CTNND2: variants seen among roughly 807,000 people sequenced by gnomAD.
The protein encoded by CTNND2 is catenin delta-2.
In CTNND2, 22 loss-of-function variants were observed where a neutral mutation model predicts 144.4. The ratio of observed to expected loss-of-function variants is 0.15; its 90% CI spans 0.11 to 0.22. The LOEUF is 0.22. Among genes scored for constraint, CTNND2 ranks in the 10% least tolerant of loss-of-function variants. The probability of loss-of-function intolerance (pLI) is 1.00; values close to 1 mark genes in which losing one functional copy is unlikely to be tolerated. For synonymous variants in CTNND2, 751 were observed against 695.6 expected (o/e 1.08, Z -1.25); for missense variants, 1,353 against 1,618.8 (o/e 0.84, Z 2.82).
At chr5:11,739,961 A>T (rs1581803186) in intron 1 of CTNND2, among the ~76,000 whole-genome samples, 1 of 152,138 alleles carries the variant, frequency 6.6e-6, no homozygotes, top group Non-Finnish European at 1.5e-5. Flanking sequence ...AGAATAAAAA[A>T]CCTAGGAATC....
At chr5:11,018,765 C>T (rs186638076) in intron 17 of CTNND2, among the ~76,000 whole-genome samples, 114 of 143,572 alleles carry the variant, frequency 7.9e-4, no homozygotes, top group African/African-American at 2.9e-3. Flanking sequence ...GGCTGGAGTG[C>T]AGTGGCGAGA....
chr5:11,496,568 G>A (rs1390096071), intron 3 of CTNND2, among the ~76,000 whole-genome samples: 1 of 152,150 alleles, frequency 6.6e-6, no homozygotes, highest in East Asian at 1.9e-4. Flanking sequence ...TAAGGTAGGA[G>A]TGTGTATGAA....
intron 2 of CTNND2, among the ~76,000 whole-genome samples, chr5:11,686,768 T>G (rs1784671012): frequency 6.7e-6 from 1 of 148,640 alleles, no homozygotes; most frequent in Non-Finnish European, 1.5e-5. Context: ...TAGAAATATA[T>G]GTATATACAA....
chr5:11,075,990 A>G, intron 16 of CTNND2, among the ~76,000 whole-genome samples: 1 of 152,240 alleles, frequency 6.6e-6, no homozygotes, highest in East Asian at 1.9e-4. Flanking sequence ...CAGTTAATTC[A>G]TTCAGCAACT....
At chr5:11,657,417 ATC>A (rs374351670) in intron 2 of CTNND2, among the ~76,000 whole-genome samples, 3 of 151,990 alleles carry the variant, frequency 2.0e-5, no homozygotes, top group African/African-American at 4.8e-5. Flanking sequence ...GTATTTAGCT[ATC>A]TCTCTCTCTG....
At chr5:11,058,022 G>T (rs369425641) in intron 16 of CTNND2, among the ~76,000 whole-genome samples, 1 of 152,232 alleles carries the variant, frequency 6.6e-6, no homozygotes, top group Non-Finnish European at 1.5e-5. Flanking sequence ...CATTCAAAAG[G>T]TGACTTGGGT....
intron 2 of CTNND2, among the ~76,000 whole-genome samples, chr5:11,721,426 G>A (rs1262233802): frequency 1.3e-5 from 2 of 152,052 alleles, no homozygotes; most frequent in African/African-American, 4.8e-5. Context: ...CTTAGAAGTA[G>A]AGAAAATGGT....
At chr5:11,348,437 C>CAAAAAAAAAAAAAAAAAAGAA (rs1755010084) in intron 8 of CTNND2, among the ~76,000 whole-genome samples, 1 of 114,722 alleles carries the variant, frequency 8.7e-6, no homozygotes, top group Non-Finnish European at 1.8e-5. Context: ...AAATCAAGGG[C>CAAAAAAAAAAAAAAAAAAGAA]AAAAAAAAAA....
intron 11 of CTNND2, among the ~76,000 whole-genome samples, chr5:11,162,498 C>T (rs931247522): frequency 6.6e-6 from 1 of 152,248 alleles, no homozygotes; most frequent in African/African-American, 2.4e-5. Flanking sequence ...TCCACCCTTC[C>T]AGGCTGTCTC....
At chr5:11,607,590 A>T (rs923486860) in intron 2 of CTNND2, among the ~76,000 whole-genome samples, 3 of 152,232 alleles carry the variant, frequency 2.0e-5, no homozygotes, top group Non-Finnish European at 4.4e-5. Context: ...CAATTGACAC[A>T]AATGATTGTT....
chr5:11,474,837 T>C (rs1353792966), intron 3 of CTNND2, among the ~76,000 whole-genome samples: 1 of 152,158 alleles, frequency 6.6e-6, no homozygotes, highest in Non-Finnish European at 1.5e-5. Flanking sequence ...CTTGTCGTCA[T>C]TATTACCAAT....
At chr5:11,043,969 C>T (rs1382301273) in intron 16 of CTNND2, among the ~76,000 whole-genome samples, 1 of 152,224 alleles carries the variant, frequency 6.6e-6, no homozygotes, top group Non-Finnish European at 1.5e-5. Context: ...CTATTTGTCT[C>T]CCTCACTAGG....
intron 3 of CTNND2, among the ~76,000 whole-genome samples, chr5:11,520,414 A>T (rs1019780001): frequency 6.6e-6 from 1 of 152,186 alleles, no homozygotes; most frequent in Admixed American, 6.5e-5. Flanking sequence ...CCACAGATGA[A>T]CTAGGTCATG....
chr5:11,814,855 T>C lies in CTNND2; in HGVS notation c.38-82583A>G, dbSNP rs114314614. The stretch of plus-strand genomic sequence containing the variant: ...ACAATATAGATTGTTGTATGTAAGA[T>C]TTCTAAACAAGAGAACTGAGTTGAT... On this transcript the variant is annotated intron_variant, in intron 1 of 21. Transcript: ENST00000304623. Among the ~76,000 whole-genome samples the C allele has an allele frequency of 4.5e-3, 678 of 152,340 alleles. 9 individuals are homozygous for C. Among genetic ancestry groups the C allele is most frequent in the African/African-American group, 0.016 (655 of 41,572 alleles).
chr5:11,505,051 G>A (rs1041963560), intron 3 of CTNND2, among the ~76,000 whole-genome samples: 5 of 152,000 alleles, frequency 3.3e-5, no homozygotes, highest in Admixed American at 1.3e-4. Flanking sequence ...AGGCTGCTGC[G>A]GGCATGAGTC....
intron 1 of CTNND2, among the ~76,000 whole-genome samples, chr5:11,824,890 G>C (rs781013972): frequency 3.9e-5 from 6 of 152,112 alleles, no homozygotes; most frequent in Non-Finnish European, 7.4e-5. Flanking sequence ...ACAGAGTAGG[G>C]GAACAATAAT....
intron 9 of CTNND2, among the ~76,000 whole-genome samples, chr5:11,323,988 G>A (rs555856185): frequency 2.0e-5 from 3 of 152,224 alleles, no homozygotes; most frequent in South Asian, 2.1e-4. Flanking sequence ...ATGGAAGCAC[G>A]TCACCATCTG....
intron 16 of CTNND2, among the ~76,000 whole-genome samples, chr5:11,068,008 A>C (rs1747800751): frequency 6.6e-6 from 1 of 152,214 alleles, no homozygotes; most frequent in Admixed American, 6.5e-5. Flanking sequence ...TTCCATTAGA[A>C]GCAACTATCC....
At position 11,497,519 on chromosome 5, in the gene CTNND2, TG is replaced by T. The variant is rs1234235644; in HGVS notation, c.287+67424del. Among the ~76,000 whole-genome samples, 133 of 13,760 alleles carry T rather than the reference TG, an allele frequency of 9.7e-3. 9 individuals are homozygous for T. Among genetic ancestry groups the T allele is most frequent in the South Asian group, 0.019 (4 of 212 alleles). The allele number at this position is 13,760 out of a possible 152,430, so 9.0% of individuals were successfully genotyped here. A position where few individuals can be genotyped will look rare whatever the true frequency, so the allele number is the denominator to read the frequency against. Reference sequence around the variant, plus strand: ...AGGCAAAGAATGATGTGCGGGGGGGTGGGGGGGGGCAATATGTGCAAAGGCC... The same window carrying T: ...AGGCAAAGAATGATGTGCGGGGGGGTGGGGGGGGCAATATGTGCAAAGGCC... On this transcript the variant is annotated intron_variant, in intron 3 of 21. Coordinates refer to ENST00000304623, the MANE Select transcript of CTNND2 (RefSeq NM_001332.4).
Sources: allele counts gnomAD v4.1 joint callset (sites outside exome capture counted in the v4.1 genomes callset), GRCh38; gene constraint gnomAD v4.1.1; transcripts MANE v1.5; gene names NCBI Gene and HGNC (gene_info 2026-07-23, HGNC 2026-07-21).